Variants in LGALS8 observed in about 807,000 individuals in gnomAD.
LGALS8 encodes the protein galectin 8, also known as galectin-8.
Under a neutral mutation model 35.9 loss-of-function variants are expected in LGALS8, and 30 were observed. The observed-to-expected ratio is 0.83, with a 90% CI of 0.62 to 1.13. The LOEUF (loss-of-function observed/expected upper bound fraction) is 1.13. Among genes scored for constraint, LGALS8 ranks in the 50% most tolerant of loss-of-function variants. The pLI is 0.00. For synonymous variants in LGALS8, 138 were observed against 136.1 expected (o/e 1.01, Z -0.10); for missense variants, 366 against 388.7 (o/e 0.94, Z 0.49).
At position 236,526,022 on chromosome 1, in the gene LGALS8, C is replaced by CTT; in HGVS notation, c.-48_-47dup. On this transcript the variant is annotated 5_prime_UTR_variant, in exon 2 of 10. Coordinates refer to ENST00000366584, the MANE Select transcript of LGALS8 (RefSeq NM_201544.4). This position sits in a 1 kb window ranked among gnomAD's most constrained non-coding sequence, Gnocchi z 4.6. ...CCTTTAAATGAAACTTGCCTAAAAT[C>CTT]TTAGGTCATACACAGAAGAGACTCC... 1 of 1,506,094 alleles carries CTT rather than the reference C, an allele frequency of 6.6e-7. No homozygotes were observed. Among genetic ancestry groups the CTT allele is most frequent in the Non-Finnish European group, 9.2e-7 (1 of 1,083,942 alleles). 93.3% of individuals were successfully genotyped at this position (1,506,094 alleles called of 1,614,324 possible).
At position 236,552,228 on chromosome 1, in the gene LGALS8, A is replaced by G; in HGVS notation, c.*4067A>G. On this transcript the variant is annotated 3_prime_UTR_variant, in exon 10 of 10. Coordinates refer to ENST00000366584, the MANE Select transcript of LGALS8 (RefSeq NM_201544.4). ...AACATTAGTTCACATGCGTTTATTCACTTCATTATGTTCATTAAGCTTTCA... is the reference window on the plus strand; with the variant it reads ...AACATTAGTTCACATGCGTTTATTCGCTTCATTATGTTCATTAAGCTTTCA... 1 of 612,932 alleles carries G rather than the reference A, an allele frequency of 1.6e-6. No individual in the cohort carries two copies. Among genetic ancestry groups the G allele is most frequent in the Non-Finnish European group, 2.9e-6 (1 of 349,552 alleles). The allele number at this position is 612,932 out of a possible 1,614,324, so 38.0% of individuals were successfully genotyped here.
At chr1:236,528,622 C>A (rs1660963788) in intron 2 of LGALS8, among the ~76,000 whole-genome samples, 1 of 139,238 alleles carries the variant, frequency 7.2e-6, no homozygotes, top group Non-Finnish European at 1.5e-5. Context: ...TGCAGTCTTA[C>A]CCCACTGCAA....
At chr1:236,537,021 C>CTTTTTTTTTTTTTTTTTTTTTTT (rs60024224) in intron 2 of LGALS8, among the ~76,000 whole-genome samples, 2 of 137,850 alleles carry the variant, frequency 1.5e-5, no homozygotes, top group African/African-American at 5.8e-5. Context: ...TATGCAGTTC[C>CTTTTTTTTTTTTTTTTTTTTTTT]TTTTTTTTTT....
At chr1:236,530,073 A>C (rs887232367) in intron 2 of LGALS8, among the ~76,000 whole-genome samples, 3 of 152,150 alleles carry the variant, frequency 2.0e-5, no homozygotes, top group Non-Finnish European at 2.9e-5. Context: ...CTATATATTT[A>C]ATTTTGCTAT....
rs544013145 is a variant in LGALS8 at position 236,542,627 on chromosome 1, T to C, written c.523-134T>C. On this transcript the variant is annotated intron_variant, in intron 6 of 9. Transcript: ENST00000366584. ...ATTCCGTCATAAAGCACCAGCTGCC[T>C]GGAGGTCACACCAGAGTGGAGCAGG... The C allele has an allele frequency of 4.3e-5, 37 of 864,664 alleles. No homozygotes were observed. In the South Asian group the frequency reaches 5.1e-4, roughly 12 times the overall value. The allele number at this position is 864,664 out of a possible 1,614,324, so 53.6% of individuals were successfully genotyped here.
At chr1:236,527,448 G>A (rs78580095) in intron 2 of LGALS8, among the ~76,000 whole-genome samples, 8,395 of 152,152 alleles carry the variant, frequency 0.055, 328 homozygotes, top group Non-Finnish European at 0.08. Context: ...GCTGTTCTGA[G>A]GATAATGCAT....
Position 236,549,845 on chromosome 1 carries a change from GTATT to G in LGALS8, c.*1689_*1692del, listed in dbSNP as rs1572025638. On this transcript the variant is annotated 3_prime_UTR_variant, in exon 10 of 10. Coordinates refer to ENST00000366584, the MANE Select transcript of LGALS8 (RefSeq NM_201544.4). ...AGGAAAAAAATTTAAAAAGCTATTA[GTATT>G]TATTAATGAATTTTACTGAGACATT... The G allele has an allele frequency of 6.6e-6, 1 of 152,148 alleles. No homozygotes were observed. The highest frequency in any genetic ancestry group is 1.9e-4 in the East Asian group (1 of 5,196). The allele number at this position is 152,148 out of a possible 1,614,324, so 9.4% of individuals were successfully genotyped here.
intron 2 of LGALS8, among the ~76,000 whole-genome samples, chr1:236,527,891 A>G (rs998869181): frequency 2.0e-5 from 3 of 151,966 alleles, no homozygotes; most frequent in African/African-American, 4.8e-5. Flanking sequence ...ACGTGCTACC[A>G]TGCCCGGCTA....
chr1:236,523,018 G>A (rs977161909), upstream of LGALS8: 3 of 152,224 alleles, frequency 2.0e-5, no homozygotes, highest in Non-Finnish European at 2.9e-5. Flanking sequence ...AAGTAGAGAA[G>A]ATGAGAACTT....
In LGALS8 at chr1:236,526,388, G is replaced by A. The variant is rs1660820520; in HGVS notation, c.45+273G>A. 1 of 307,224 alleles carries A rather than the reference G, an allele frequency of 3.3e-6. No individual in the cohort carries two copies. Among genetic ancestry groups the A allele is most frequent in the Non-Finnish European group, 5.9e-6 (1 of 168,352 alleles). The allele number at this position is 307,224 out of a possible 1,614,324, so 19.0% of individuals were successfully genotyped here. On this transcript the variant is annotated intron_variant, in intron 2 of 9. Transcript: ENST00000366584. This position sits in a 1 kb window ranked among gnomAD's most constrained non-coding sequence, Gnocchi z 4.6. ...AGGGAATGCCAACTTTTGGTGATGG[G>A]AGGAGGCTCAGCTAATCATAAATTG...
upstream of LGALS8, among the ~76,000 whole-genome samples, chr1:236,522,221 C>G (rs193139991): frequency 1.7e-3 from 254 of 152,298 alleles, 2 homozygotes; most frequent in African/African-American, 5.1e-3. Context: ...TTTCACTCAG[C>G]CCCGTTTGCA....
At chr1:236,547,096 G>A (rs1336738450) in intron 9 of LGALS8, among the ~76,000 whole-genome samples, 1 of 152,162 alleles carries the variant, frequency 6.6e-6, no homozygotes, top group Non-Finnish European at 1.5e-5. Flanking sequence ...GTGGGGCCGG[G>A]TTAGCAGCAA....
At chr1:236,547,627 C>T (rs898240796) in intron 9 of LGALS8, among the ~76,000 whole-genome samples, 6 of 100,324 alleles carry the variant, frequency 6.0e-5, no homozygotes, top group African/African-American at 1.9e-4. Context: ...ACTAAAGCAA[C>T]CATATTAGGA....
In LGALS8 at chr1:236,539,060, G is replaced by A. The variant is rs148854312; in HGVS notation, c.316G>A (p.Val106Met). 5 of 1,614,056 alleles carry A rather than the reference G, an allele frequency of 3.1e-6. No individual in the cohort carries two copies. The highest frequency in any genetic ancestry group is 2.2e-5 in the East Asian group (1 of 44,888). The change falls in exon 4 of 10, where the codon GTG becomes ATG. Residue 106 changes from valine (V) to methionine (M), a missense_variant. Transcript: ENST00000366584. ...CAAAAGAGAAAAGTCTTTTGAGATCGTGATTATGGTGCTGAAGGACAAATT... is the reference window on the plus strand; with the variant it reads ...CAAAAGAGAAAAGTCTTTTGAGATCATGATTATGGTGCTGAAGGACAAATT... ...PFKREKSFEI[V>M]IMVLKDKFQV...
At position 236,551,801 on chromosome 1, in the gene LGALS8, C is replaced by T. The variant is rs1038683838; in HGVS notation, c.*3640C>T. 9.3e-6 allele frequency: 5 copies of T among 540,016 alleles called. No homozygotes were observed. The highest frequency in any genetic ancestry group is 2.4e-5 in the South Asian group (1 of 41,962). The allele number at this position is 540,016 out of a possible 1,614,324, so 33.5% of individuals were successfully genotyped here. ...TCAAATGATCAGGAGGTGGTCACTTCGCAACTTGCTCCCTCCACCCAACTC... is the reference window on the plus strand; with the variant it reads ...TCAAATGATCAGGAGGTGGTCACTTTGCAACTTGCTCCCTCCACCCAACTC... On this transcript the variant is annotated 3_prime_UTR_variant, in exon 10 of 10. Transcript: ENST00000366584.
In LGALS8 at chr1:236,548,186, AC is replaced by A. The variant is rs775625576; in HGVS notation, c.*27del. 10 of 1,601,228 alleles carry A rather than the reference AC, an allele frequency of 6.2e-6. No homozygotes were observed. Among genetic ancestry groups the A allele is most frequent in the Middle Eastern group, 3.3e-4 (2 of 6,034 alleles). On this transcript the variant is annotated 3_prime_UTR_variant, in exon 10 of 10. Transcript: ENST00000366584. Reference sequence around the variant, plus strand: ...GCCTACCTACACAGCTGCTACAAAAACCAAAATACAGAATGGCTTCTGTGAT... The same window carrying A: ...GCCTACCTACACAGCTGCTACAAAAACAAAATACAGAATGGCTTCTGTGAT...
chr1:236,542,934 A>G lies in LGALS8; in HGVS notation c.549+147A>G, dbSNP rs35968435. On this transcript the variant is annotated intron_variant, in intron 7 of 9. Transcript: ENST00000366584. ...CTACAGCCTAGTAATAGAGGAGGAG[A>G]CATTTCTAAAATCGCACCCAGAACT... The G allele has an allele frequency of 5.1e-3, 8,153 of 1,614,106 alleles. 332 individuals carry two copies. In the African/African-American group the frequency reaches 0.091, roughly 18 times the overall value.
upstream of LGALS8, among the ~76,000 whole-genome samples, chr1:236,521,791 G>A (rs1290647393): frequency 6.6e-6 from 1 of 150,438 alleles, no homozygotes; most frequent in African/African-American, 2.5e-5. Flanking sequence ...ATGTAACACT[G>A]TACTCCACTC....
At chr1:236,536,821 A>G (rs1287056183) in intron 2 of LGALS8, 1 of 152,004 alleles carries the variant, frequency 6.6e-6, no homozygotes, top group Non-Finnish European at 1.5e-5. Flanking sequence ...ACAGTAGGAA[A>G]AGGAATGAGT....
Sources: allele counts gnomAD v4.1 joint callset (sites outside exome capture counted in the v4.1 genomes callset), GRCh38; gene constraint gnomAD v4.1.1; non-coding constraint Gnocchi (gnomAD v3.1); transcripts MANE v1.5; gene names NCBI Gene and HGNC (gene_info 2026-07-23, HGNC 2026-07-21).